FREM3: variants seen among roughly 807,000 people sequenced by gnomAD.
FREM3 encodes FRAS1 related extracellular matrix 3.
Under a neutral mutation model 129.1 loss-of-function variants are expected in FREM3, and 105 were observed. That is an observed-to-expected ratio of 0.81 (90% CI 0.69 to 0.96). FREM3 has a LOEUF of 0.96. FREM3 is among the 40% of genes least tolerant of loss of function. FREM3 has a pLI of 0.00. For synonymous variants in FREM3, 1,014 were observed against 1,044.9 expected, an observed-to-expected ratio of 0.97 and a Z score of 0.57; for missense variants, 2,593 against 2,666.3, an observed-to-expected ratio of 0.97 and a Z score of 0.61.
At chr4:143,578,382 G>A (rs546029290) in intron 7 of FREM3, among the ~76,000 whole-genome samples, 2 of 151,778 alleles carry the variant, frequency 1.3e-5, no homozygotes, top group South Asian at 2.1e-4. Flanking sequence ...GCTTCTTTGC[G>A]ACTTATTTGG....
At chr4:143,579,078 C>G (rs1032592) in intron 7 of FREM3, among the ~76,000 whole-genome samples, 1 of 148,814 alleles carries the variant, frequency 6.7e-6, no homozygotes. Flanking sequence ...AAAAAAAAAG[C>G]GTCTCACTCT....
intron 2 of FREM3, among the ~76,000 whole-genome samples, chr4:143,645,619 C>A (rs768454948): frequency 7.7e-4 from 117 of 152,282 alleles, no homozygotes; most frequent in Middle Eastern, 3.4e-3. Context: ...GCTTGTCCTG[C>A]AGATTTCAGA....
chr4:143,600,974 T>C (rs1424513489), intron 6 of FREM3, among the ~76,000 whole-genome samples: 2 of 151,856 alleles, frequency 1.3e-5, no homozygotes, highest in South Asian at 2.1e-4. Context: ...TTTTTTTTTT[T>C]TTTTGAGATG....
intron 6 of FREM3, among the ~76,000 whole-genome samples, chr4:143,600,539 A>T (rs964703137): frequency 2.6e-5 from 4 of 152,224 alleles, no homozygotes; most frequent in Non-Finnish European, 5.9e-5. Context: ...CTATATAAAA[A>T]ATAAAAAAGT....
At chr4:143,613,823 T>C (rs1738799928) in intron 5 of FREM3, among the ~76,000 whole-genome samples, 1 of 152,184 alleles carries the variant, frequency 6.6e-6, no homozygotes, top group Non-Finnish European at 1.5e-5. Context: ...CAAAAGCAGA[T>C]ACTGTAGACA....
In FREM3 at chr4:143,677,247, C is replaced by G. The variant is rs183841590; in HGVS notation, c.5275+15866G>C. ...CCTCAGAAATAATACCACACATCTA[C>G]AACTATCTGATCTTTGACAAACCTG... On this transcript the variant is annotated intron_variant, in intron 2 of 7. Transcript: ENST00000329798. 6.3e-3 allele frequency among the ~76,000 whole-genome samples: 956 copies of G among 152,276 alleles called. 9 individuals are homozygous for G. The highest frequency in any genetic ancestry group is 0.022 in the African/African-American group (926 of 41,550).
At chr4:143,673,919 C>A (rs951805606) in intron 2 of FREM3, among the ~76,000 whole-genome samples, 3 of 152,194 alleles carry the variant, frequency 2.0e-5, no homozygotes, top group Non-Finnish European at 4.4e-5. Flanking sequence ...TCCTGGTGTG[C>A]CATTTGCTAA....
At position 143,611,346 on chromosome 4, in the gene FREM3, T is replaced by C. The variant is rs1420067487; in HGVS notation, c.5961A>G (p.Pro1987=). ...ATCTGGCTCCCAGCTGTCCTCCCACTGGCAGCCTAAGTGAAACGCTGAAGG... is the reference window on the plus strand; with the variant it reads ...ATCTGGCTCCCAGCTGTCCTCCCACCGGCAGCCTAAGTGAAACGCTGAAGG... ...EESFSVSLRL[P]VGGQLGARFP... Residue 1987 remains proline, a synonymous_variant, in exon 6 of 8, where the codon CCA becomes CCG. Coordinates refer to ENST00000329798, the MANE Select transcript of FREM3 (RefSeq NM_001168235.2). The C allele has an allele frequency of 1.6e-5, 25 of 1,537,124 alleles. No individual in the cohort carries two copies. The African/African-American group carries it at 2.3e-4, about 14-fold the overall frequency.
intron 2 of FREM3, among the ~76,000 whole-genome samples, chr4:143,661,094 G>T (rs967618385): frequency 1.3e-5 from 2 of 152,152 alleles, no homozygotes; most frequent in Non-Finnish European, 2.9e-5. Flanking sequence ...CTGCCTGATT[G>T]CCCTGGCCAG....
chr4:143,594,560 A>C (rs1465654217), intron 6 of FREM3, among the ~76,000 whole-genome samples: 2 of 152,214 alleles, frequency 1.3e-5, no homozygotes, highest in African/African-American at 2.4e-5. Flanking sequence ...TGTTGAAAAA[A>C]ACTTTGAACA....
chr4:143,698,391 A>T lies in FREM3; in HGVS notation c.2285T>A (p.Ile762Asn). The T allele has an allele frequency of 6.5e-7, 1 of 1,537,646 alleles. No individual in the cohort carries two copies. Among genetic ancestry groups the T allele is most frequent in the Non-Finnish European group, 8.7e-7 (1 of 1,146,996 alleles). Residue 762 changes from isoleucine (I) to asparagine (N), a missense_variant, in exon 1 of 8, where the codon ATT (isoleucine) becomes AAT (asparagine). Physicochemically the swap from Ile to Asn is moderately radical, Grantham distance 149 (BLOSUM62 -3). Around this residue, in one of 2 missense-constraint regions of FREM3, gnomAD observed 2,276 missense variants for 2,267.2 expected, o/e 1.00. Coordinates refer to ENST00000329798, the MANE Select transcript of FREM3 (RefSeq NM_001168235.2). ...DGNHQVRAGE[I>N]VLTDSPDTLI... is the part of the protein sequence containing the mutation. ...TGTGTCTGGTGAATCAGTGAGCACA[A>T]TTTCTCCAGCCCGGACTTGGTGGTT... is the stretch of plus-strand genomic sequence containing the variant.
In FREM3 at chr4:143,624,153, CCAGTA is replaced by C. The variant is rs1029580784; in HGVS notation, c.5603_5607del (p.Val1868GlyfsTer9). 6.5e-7 allele frequency: 1 copy of C among 1,536,894 alleles called. No homozygotes were observed. Among genetic ancestry groups the C allele is most frequent in the African/African-American group, 1.4e-5 (1 of 73,136 alleles). On this transcript the variant is annotated frameshift_variant, in exon 4 of 8. Transcript: ENST00000329798. LOFTEE classifies it high-confidence loss of function. ...TCAACCGTTGCCATTTCTGGAAACTCCAGTACAGCCATGAGAGGTTCAGACAGAAT... is the reference window on the plus strand; with the variant it reads ...TCAACCGTTGCCATTTCTGGAAACTCCAGCCATGAGAGGTTCAGACAGAAT...
intron 2 of FREM3, among the ~76,000 whole-genome samples, chr4:143,660,066 T>A (rs1165266555): frequency 3.3e-5 from 5 of 149,632 alleles, no homozygotes; most frequent in East Asian, 3.9e-4. Flanking sequence ...TCTTTTGCTG[T>A]GCAGAAGCTC....
chr4:143,578,791 C>CAAAAACACA (rs1738083386), intron 7 of FREM3, among the ~76,000 whole-genome samples: 1 of 152,130 alleles, frequency 6.6e-6, no homozygotes, highest in Non-Finnish European at 1.5e-5. Context: ...TCAAAAGCAT[C>CAAAAACACA]AAGGTGTTGA....
chr4:143,593,129 C>T (rs1738397179), intron 6 of FREM3, among the ~76,000 whole-genome samples: 1 of 152,148 alleles, frequency 6.6e-6, no homozygotes, highest in African/African-American at 2.4e-5. Flanking sequence ...TTCTAGTTAT[C>T]CATTTATCTA....
intron 6 of FREM3, among the ~76,000 whole-genome samples, chr4:143,601,287 C>T (rs1459734483): frequency 2.6e-5 from 4 of 152,136 alleles, no homozygotes; most frequent in Admixed American, 6.6e-5. Flanking sequence ...CACAATTTTT[C>T]CTTACAATGT....
At chr4:143,637,316 T>C (rs1360762822) in intron 2 of FREM3, among the ~76,000 whole-genome samples, 1 of 152,150 alleles carries the variant, frequency 6.6e-6, no homozygotes, top group East Asian at 1.9e-4. Context: ...AATAGAAGAA[T>C]TGGCAGATTA....
chr4:143,634,054 G>A (rs1196586568), intron 2 of FREM3, among the ~76,000 whole-genome samples: 2 of 152,142 alleles, frequency 1.3e-5, no homozygotes, highest in Non-Finnish European at 2.9e-5. Context: ...GAGGAGTTGT[G>A]TAGGTATAGT....
At chr4:143,665,023 C>G (rs1183025987) in intron 2 of FREM3, among the ~76,000 whole-genome samples, 1 of 152,184 alleles carries the variant, frequency 6.6e-6, no homozygotes, top group African/African-American at 2.4e-5. Context: ...AGGGAACTCC[C>G]TGACCCCTTG....
Sources: allele counts gnomAD v4.1 joint callset (sites outside exome capture counted in the v4.1 genomes callset), GRCh38; gene constraint gnomAD v4.1.1; regional missense constraint gnomAD v4.1.1; transcripts MANE v1.5; gene names NCBI Gene and HGNC (gene_info 2026-07-23, HGNC 2026-07-21).